BNC2: variants seen among roughly 807,000 people sequenced by gnomAD.
BNC2 encodes the protein basonuclin zinc finger protein 2.
In BNC2, 20 loss-of-function variants were observed where a neutral mutation model predicts 76.3. The observed-to-expected ratio is 0.26, with a 90% CI of 0.18 to 0.38. The LOEUF (loss-of-function observed/expected upper bound fraction) is 0.38, where lower values mean the gene tolerates loss of function less well. BNC2 is among the 10% of genes least tolerant of loss of function. The probability of loss-of-function intolerance (pLI) is 1.00; values close to 1 mark genes in which losing one functional copy is unlikely to be tolerated. For missense variants in BNC2, 1,382 were observed against 1,399.8 expected, an observed-to-expected ratio of 0.99 and a Z score of 0.20; for synonymous variants, 582 against 514.8, an observed-to-expected ratio of 1.13 and a Z score of -1.77.
In BNC2 at chr9:16,452,395, T is replaced by C. The variant is rs560967555; in HGVS notation, c.670-14871A>G. Among the ~76,000 whole-genome samples, 28 of 152,210 alleles carry C rather than the reference T, an allele frequency of 1.8e-4. 1 individual carries two copies. Among genetic ancestry groups the C allele is most frequent in the Admixed American group, 5.2e-4 (8 of 15,286 alleles). ...TGAATTAAATGAGCCAGTTTAATAT[T>C]AGACACATAAATAATGAACCATTAC... On this transcript the variant is annotated intron_variant, in intron 5 of 6. Transcript: ENST00000380672.
rs879017460 is a variant in BNC2 at position 16,694,052 on chromosome 9, G to T, written c.330+33745C>A. Among the ~76,000 whole-genome samples the T allele has an allele frequency of 7.9e-5, 12 of 152,056 alleles. 1 individual carries two copies. The highest frequency in any genetic ancestry group is 7.9e-4 in the Admixed American group (12 of 15,270). Reference sequence around the variant, plus strand: ...TCAAGCTATTGAATGCTTTATTTTGGGGGGAGGGTGTGGCATTTTTTTAGA... The same window carrying T: ...TCAAGCTATTGAATGCTTTATTTTGTGGGGAGGGTGTGGCATTTTTTTAGA... On this transcript the variant is annotated intron_variant, in intron 3 of 6. Transcript: ENST00000380672.
At chr9:16,813,266 A>AT (rs1050994391) in intron 1 of BNC2, among the ~76,000 whole-genome samples, 3,648 of 141,740 alleles carry the variant, frequency 0.026, 142 homozygotes, top group African/African-American at 0.083. Flanking sequence ...CAGAAAAACC[A>AT]TTTTTTTTTT....
chr9:16,790,743 T>A (rs1278605298), intron 1 of BNC2, among the ~76,000 whole-genome samples: 1 of 152,082 alleles, frequency 6.6e-6, no homozygotes, highest in African/African-American at 2.4e-5. Flanking sequence ...AAGTTAGTTA[T>A]CTTTCACTAA....
intron 2 of BNC2, chr9:16,728,204 G>A (rs1344906140): frequency 1.6e-6 from 1 of 632,886 alleles, no homozygotes; most frequent in Middle Eastern, 4.2e-4. Context: ...CCTTTGCTCA[G>A]TTTAACAGCT....
intron 3 of BNC2, among the ~76,000 whole-genome samples, chr9:16,648,978 T>C (rs945560764): frequency 6.6e-6 from 1 of 152,196 alleles, no homozygotes; most frequent in African/African-American, 2.4e-5. Context: ...TGTGCTAAAA[T>C]AGCATAACGA....
intron 3 of BNC2, among the ~76,000 whole-genome samples, chr9:16,676,564 G>T (rs1429428847): frequency 1.3e-5 from 2 of 152,210 alleles, no homozygotes; most frequent in Non-Finnish European, 2.9e-5. Context: ...TTCTCTCACA[G>T]AAATATTGGT....
At chr9:16,528,767 T>G (rs115043879) in intron 5 of BNC2, among the ~76,000 whole-genome samples, 3,568 of 152,210 alleles carry the variant, frequency 0.023, 154 homozygotes, top group African/African-American at 0.08. Context: ...CTAAATAAAT[T>G]ATGGTATATC....
chr9:16,861,177 A>G (rs1819398453), intron 1 of BNC2, among the ~76,000 whole-genome samples: 1 of 29,928 alleles, frequency 3.3e-5, no homozygotes, highest in East Asian at 1.2e-3. Flanking sequence ...CCCTATCTCT[A>G]CAAAATATAT....
At chr9:16,769,601 A>G (rs1170098019) in intron 1 of BNC2, among the ~76,000 whole-genome samples, 2 of 152,354 alleles carry the variant, frequency 1.3e-5, no homozygotes, top group East Asian at 3.9e-4. Context: ...GGACCTGGGA[A>G]TGAGACCAGG....
intron 1 of BNC2, among the ~76,000 whole-genome samples, chr9:16,753,679 T>C (rs1825288538): frequency 6.6e-6 from 1 of 152,170 alleles, no homozygotes; most frequent in Non-Finnish European, 1.5e-5. Context: ...TAAAAGCATA[T>C]TCCAGGTATC....
intron 2 of BNC2, among the ~76,000 whole-genome samples, chr9:16,731,379 G>A (rs771976024): frequency 6.6e-6 from 1 of 152,154 alleles, no homozygotes; most frequent in African/African-American, 2.4e-5. Context: ...TGGAAATTAT[G>A]AAGTCCACCA....
rs986999709 is a variant in BNC2 at position 16,414,908 on chromosome 9, T to C, written c.*4081A>G. 6.7e-6 allele frequency: 1 copy of C among 149,258 alleles called. No homozygotes were observed. The allele number at this position is 149,258 out of a possible 1,614,324, so 9.2% of individuals were successfully genotyped here. Reference sequence around the variant, plus strand: ...AGCCTCTGGAATAGCCCATTCTTGATATATTCAAAGTTTTTTTTTTTTTTT... The same window carrying C: ...AGCCTCTGGAATAGCCCATTCTTGACATATTCAAAGTTTTTTTTTTTTTTT... On this transcript the variant is annotated 3_prime_UTR_variant, in exon 7 of 7. Transcript: ENST00000380672.
chr9:16,527,707 T>C (rs187332147), intron 5 of BNC2, among the ~76,000 whole-genome samples: 272 of 152,304 alleles, frequency 1.8e-3, no homozygotes, highest in African/African-American at 6.0e-3. Flanking sequence ...AAAAAGATTA[T>C]TTATAAGCGA....
At chr9:16,670,049 T>C (rs1375370045) in intron 3 of BNC2, among the ~76,000 whole-genome samples, 1 of 152,242 alleles carries the variant, frequency 6.6e-6, no homozygotes, top group East Asian at 1.9e-4. Context: ...GATTCTTCTA[T>C]CAAATAAGTA....
At chr9:16,467,392 T>C (rs1226300576) in intron 5 of BNC2, among the ~76,000 whole-genome samples, 10 of 150,084 alleles carry the variant, frequency 6.7e-5, no homozygotes, top group Non-Finnish European at 1.2e-4. Context: ...CGTATGTTTA[T>C]TGCGGCACTA....
intron 4 of BNC2, among the ~76,000 whole-genome samples, chr9:16,580,780 T>C (rs1819610936): frequency 6.6e-6 from 1 of 152,236 alleles, no homozygotes; most frequent in Non-Finnish European, 1.5e-5. Context: ...TCCCCTTTAG[T>C]GCTCATCTAC....
intron 6 of BNC2, among the ~76,000 whole-genome samples, chr9:16,432,685 C>T (rs1172564210): frequency 2.0e-5 from 3 of 152,130 alleles, no homozygotes; most frequent in Admixed American, 6.5e-5. Flanking sequence ...ACAAGGAAGA[C>T]ATTGTGGAGT....
intron 5 of BNC2, among the ~76,000 whole-genome samples, chr9:16,517,093 A>C (rs1012070512): frequency 2.0e-5 from 3 of 152,202 alleles, no homozygotes; most frequent in African/African-American, 7.2e-5. Context: ...TTTGAGGACT[A>C]ACAACATTCC....
chr9:16,481,324 C>A (rs1027581167), intron 5 of BNC2, among the ~76,000 whole-genome samples: 1 of 152,100 alleles, frequency 6.6e-6, no homozygotes, highest in Non-Finnish European at 1.5e-5. Context: ...CCGCTCGGGT[C>A]CCCTTCCACA....
Sources: allele counts gnomAD v4.1 joint callset (sites outside exome capture counted in the v4.1 genomes callset), GRCh38; gene constraint gnomAD v4.1.1; transcripts MANE v1.5; gene names NCBI Gene and HGNC (gene_info 2026-07-23, HGNC 2026-07-21).